The following DNM3 variants were observed in gnomAD, a reference collection of about 807,000 sequenced individuals.
DNM3 encodes dynamin-3.
DNM3 carries 47 observed loss-of-function variants against 101.6 expected under a neutral mutation model. That is an observed-to-expected ratio of 0.46 (90% CI 0.37 to 0.59). DNM3 has a LOEUF of 0.59. DNM3 is among the 20% of genes least tolerant of loss of function. The pLI, the probability that DNM3 is intolerant of heterozygous loss-of-function variation, is 0.00. For synonymous variants in DNM3, 385 were observed against 387.9 expected (o/e 0.99, Z 0.09); for missense variants, 849 against 1,085.7 (o/e 0.78, Z 3.06).
chr1:172,096,872 G>T (rs918403266), intron 13 of DNM3, among the ~76,000 whole-genome samples: 1 of 152,222 alleles, frequency 6.6e-6, no homozygotes, highest in Non-Finnish European at 1.5e-5. Flanking sequence ...ACAAACTAGA[G>T]ATATGGGAAT....
At chr1:172,339,085 G>A in intron 17 of DNM3, 2 of 488,064 alleles carry the variant, frequency 4.1e-6, no homozygotes, top group Non-Finnish European at 8.1e-6. Context: ...GAAAAGTTGG[G>A]GGGAACATCT....
intron 13 of DNM3, among the ~76,000 whole-genome samples, chr1:172,119,801 C>A (rs949766745): frequency 1.3e-5 from 2 of 152,186 alleles, no homozygotes; most frequent in African/African-American, 4.8e-5. Context: ...TGTGCCTCAA[C>A]AGTCTGTTTA....
chr1:171,949,228 A>T (rs1422063684), intron 2 of DNM3, among the ~76,000 whole-genome samples: 1 of 152,336 alleles, frequency 6.6e-6, no homozygotes, highest in Non-Finnish European at 1.5e-5. Flanking sequence ...AGCTCAGTAT[A>T]TAAATAGAAA....
chr1:172,066,112 C>T (rs2051639871), intron 10 of DNM3, among the ~76,000 whole-genome samples: 1 of 152,108 alleles, frequency 6.6e-6, no homozygotes, highest in Non-Finnish European at 1.5e-5. Context: ...AGAAATATTA[C>T]ATGCTATAAT....
chr1:171,851,531 A>C (rs2032965410), intron 1 of DNM3, among the ~76,000 whole-genome samples: 1 of 152,156 alleles, frequency 6.6e-6, no homozygotes, highest in Non-Finnish European at 1.5e-5. Flanking sequence ...CTCATGCCTC[A>C]GCCACCTGAG....
intron 17 of DNM3, among the ~76,000 whole-genome samples, chr1:172,359,722 A>G (rs1219983552): frequency 1.3e-5 from 2 of 151,882 alleles, no homozygotes; most frequent in Non-Finnish European, 2.9e-5. Context: ...GGCTATTTGT[A>G]TAAGCAATAT....
At chr1:172,105,814 C>T (rs150782039) in intron 13 of DNM3, among the ~76,000 whole-genome samples, 20 of 152,102 alleles carry the variant, frequency 1.3e-4, no homozygotes, top group African/African-American at 4.8e-4. Context: ...TATAAAATAA[C>T]TGGAAATACT....
intron 1 of DNM3, among the ~76,000 whole-genome samples, chr1:171,914,624 A>T (rs1384127531): frequency 6.6e-6 from 1 of 152,176 alleles, no homozygotes; most frequent in African/African-American, 2.4e-5. Context: ...TTTGGGTCTT[A>T]AATGTTCATA....
chr1:172,070,360 T>G (rs1356921736), intron 11 of DNM3, among the ~76,000 whole-genome samples: 2 of 152,172 alleles, frequency 1.3e-5, no homozygotes, highest in African/African-American at 2.4e-5. Context: ...CTTAAGTTCT[T>G]AAGAATCAGC....
chr1:171,954,945 C>G (rs1558321543), intron 2 of DNM3, among the ~76,000 whole-genome samples: 1 of 152,114 alleles, frequency 6.6e-6, no homozygotes, highest in Non-Finnish European at 1.5e-5. Flanking sequence ...ATTTAACTTA[C>G]TAATAAAATG....
intron 17 of DNM3, among the ~76,000 whole-genome samples, chr1:172,331,653 T>C (rs2066190609): frequency 6.6e-6 from 1 of 152,208 alleles, no homozygotes; most frequent in Non-Finnish European, 1.5e-5. Flanking sequence ...CTATGTAGTA[T>C]ATTTAAGCAC....
Position 172,407,945 on chromosome 1 carries a change from G to C in DNM3, c.*104G>C. On this transcript the variant is annotated 3_prime_UTR_variant, in exon 21 of 21. Coordinates refer to ENST00000627582, the MANE Select transcript of DNM3 (RefSeq NM_015569.5). The stretch of plus-strand genomic sequence containing the variant: ...TGAGTAGTCGCATGTGTGGACATCA[G>C]TAGGCAAGTAACCAGTTTTACTAAT... The C allele has an allele frequency of 1.3e-6, 2 of 1,587,982 alleles. No individual in the cohort carries two copies.
intron 17 of DNM3, among the ~76,000 whole-genome samples, chr1:172,364,228 G>C (rs563609261): frequency 6.6e-6 from 1 of 151,936 alleles, no homozygotes; most frequent in East Asian, 1.9e-4. Context: ...AATTATCTGT[G>C]CTTCAATAAA....
chr1:172,190,011 C>CTTTT (rs61413095), intron 14 of DNM3, among the ~76,000 whole-genome samples: 1 of 134,442 alleles, frequency 7.4e-6, no homozygotes, highest in East Asian at 2.2e-4. Flanking sequence ...AATCACATTT[C>CTTTT]TTTTTTTTTT....
intron 1 of DNM3, among the ~76,000 whole-genome samples, chr1:171,860,825 A>T (rs2034097622): frequency 6.6e-6 from 1 of 150,576 alleles, no homozygotes; most frequent in African/African-American, 2.4e-5. Context: ...AGAATGAAAA[A>T]ACGACTCTCA....
At chr1:172,176,275 A>G (rs79099214) in intron 14 of DNM3, among the ~76,000 whole-genome samples, 2 of 151,956 alleles carry the variant, frequency 1.3e-5, no homozygotes, top group East Asian at 1.9e-4. Context: ...TAAAGAAGCT[A>G]TGAACTAAGG....
intron 15 of DNM3, among the ~76,000 whole-genome samples, chr1:172,300,546 A>G (rs2064394323): frequency 1.3e-5 from 2 of 152,220 alleles, no homozygotes; most frequent in African/African-American, 4.8e-5. Flanking sequence ...AAAGTTGACA[A>G]AAATAAGCAA....
chr1:172,205,332 G>A (rs1362059725), intron 14 of DNM3, among the ~76,000 whole-genome samples: 1 of 151,988 alleles, frequency 6.6e-6, no homozygotes, highest in Non-Finnish European at 1.5e-5. Context: ...ATTCAAGCTA[G>A]CTCGTCTAAA....
At chr1:172,024,182 T>A (rs1374021050) in intron 4 of DNM3, among the ~76,000 whole-genome samples, 17 of 151,844 alleles carry the variant, frequency 1.1e-4, no homozygotes, top group Non-Finnish European at 8.8e-5. Flanking sequence ...TTCTTTTCTT[T>A]TTAAATTTTC....
Sources: gnomAD v4.1 joint callset for allele counts (sites outside exome capture counted in the v4.1 genomes callset) on GRCh38, gnomAD v4.1.1 for gene constraint, MANE v1.5 for transcripts, NCBI Gene and HGNC (gene_info 2026-07-23, HGNC 2026-07-21) for gene names.